The following PTDSS1 variants were observed in gnomAD, a reference collection of about 807,000 sequenced individuals.
The protein encoded by PTDSS1 is phosphatidylserine synthase 1, also known as PSS-1.
PTDSS1 carries 45 observed loss-of-function variants against 70.5 expected under a neutral mutation model. The observed-to-expected ratio is 0.64, with a 90% CI of 0.50 to 0.82. The LOEUF (loss-of-function observed/expected upper bound fraction) is 0.82, where lower values mean the gene tolerates loss of function less well. PTDSS1 is among the 40% of genes least tolerant of loss of function. The probability of loss-of-function intolerance (pLI) is 0.00; values close to 1 mark genes in which losing one functional copy is unlikely to be tolerated. For synonymous variants in PTDSS1, 188 were observed against 203.8 expected (o/e 0.92, Z 0.66); for missense variants, 417 against 586.1 (o/e 0.71, Z 2.98).
intron 1 of PTDSS1, among the ~76,000 whole-genome samples, chr8:96,272,754 A>G (rs1810584315): frequency 6.6e-6 from 1 of 152,244 alleles, no homozygotes; most frequent in South Asian, 2.1e-4. Flanking sequence ...CCTGGCACAC[A>G]GTAGATAGAT....
At chr8:96,275,559 C>T (rs1431151804) in intron 2 of PTDSS1, among the ~76,000 whole-genome samples, 1 of 152,158 alleles carries the variant, frequency 6.6e-6, no homozygotes, top group Non-Finnish European at 1.5e-5. Flanking sequence ...GTAGACCCTC[C>T]TCTCCTTCAA....
At chr8:96,288,544 G>C (rs148386996) in intron 4 of PTDSS1, among the ~76,000 whole-genome samples, 1 of 147,746 alleles carries the variant, frequency 6.8e-6, no homozygotes, top group African/African-American at 2.5e-5. Context: ...CAGGCTGGTC[G>C]CAAACTCCTG....
At chr8:96,320,573 C>T (rs375302305) in intron 10 of PTDSS1, among the ~76,000 whole-genome samples, 15 of 152,252 alleles carry the variant, frequency 9.9e-5, no homozygotes, top group African/African-American at 3.6e-4. Context: ...CAAACGCCTT[C>T]GACAGGTACA....
At chr8:96,336,995 CAAAAAAAAAAA>C (rs35919374), downstream of PTDSS1, 5 of 54,792 alleles carry the variant, frequency 9.1e-5, no homozygotes, top group Admixed American at 2.4e-4. Flanking sequence ...GAGACTATCT[CAAAAAAAAAAA>C]AAAAAAAAAA....
At position 96,334,378 on chromosome 8, in the gene PTDSS1, C is replaced by G. The variant is rs910601003; in HGVS notation, c.*812C>G. ...CTCCCCAGCTAGGTGCCTTTTACAT[C>G]GGGTTTGTTCTCCTTCCATGGTGTG... On this transcript the variant is annotated 3_prime_UTR_variant, in exon 13 of 13. Coordinates refer to ENST00000517309, the MANE Select transcript of PTDSS1 (RefSeq NM_014754.3). The G allele has an allele frequency of 1.3e-5, 2 of 152,770 alleles. No homozygotes were observed. The highest frequency in any genetic ancestry group is 1.3e-4 in the Admixed American group (2 of 15,284). The allele number at this position is 152,770 out of a possible 1,614,324, so 9.5% of individuals were successfully genotyped here. A position where few individuals can be genotyped will look rare whatever the true frequency, so the allele number is the denominator to read the frequency against.
intron 10 of PTDSS1, among the ~76,000 whole-genome samples, chr8:96,321,637 G>T (rs192960524): frequency 2.6e-5 from 4 of 152,172 alleles, no homozygotes; most frequent in Admixed American, 1.3e-4. Flanking sequence ...GTCGGTAATT[G>T]GATCTAGAGG....
intron 8 of PTDSS1, chr8:96,309,286 T>A (rs1431208556): frequency 4.2e-6 from 1 of 238,644 alleles, no homozygotes; most frequent in East Asian, 7.8e-5. Context: ...ATGGTTGCGA[T>A]CAGTTAGTTG....
chr8:96,324,658 C>A (rs1184514747), intron 10 of PTDSS1, among the ~76,000 whole-genome samples: 1 of 152,306 alleles, frequency 6.6e-6, no homozygotes, highest in African/African-American at 2.4e-5. Flanking sequence ...AGCCTGAATC[C>A]ATTCATGAGG....
chr8:96,318,322 T>TAAA (rs11455106), intron 9 of PTDSS1, among the ~76,000 whole-genome samples: 2 of 148,416 alleles, frequency 1.3e-5, no homozygotes, highest in South Asian at 2.1e-4. Context: ...AGACTCTATT[T>TAAA]AAAAAAAAAA....
intron 2 of PTDSS1, among the ~76,000 whole-genome samples, chr8:96,276,678 A>G (rs1443337368): frequency 2.0e-5 from 3 of 152,060 alleles, no homozygotes; most frequent in Non-Finnish European, 4.4e-5. Context: ...AAGGTGCTTT[A>G]TCTCTGGCTT....
intron 4 of PTDSS1, among the ~76,000 whole-genome samples, chr8:96,292,281 C>T (rs941550575): frequency 5.5e-5 from 7 of 127,330 alleles, no homozygotes; most frequent in Non-Finnish European, 7.9e-5. Context: ...GCCTAGGCAA[C>T]GCTGTCTCAA....
rs184324107 is a variant in PTDSS1, at chr8:96,262,897, C to T, written c.179+678C>T. The stretch of plus-strand genomic sequence containing the variant: ...GCCACTCTAAACACACACCTCACAG[C>T]GGACCTTTCCTTTCCAGCACAGCCC... On this transcript the variant is annotated intron_variant, in intron 1 of 12. Transcript: ENST00000517309. This position sits in a 1 kb window ranked among gnomAD's most constrained non-coding sequence, Gnocchi z 4.4. Among the ~76,000 whole-genome samples, 9 of 152,168 alleles carry T rather than the reference C, an allele frequency of 5.9e-5. No homozygotes were observed. The highest frequency in any genetic ancestry group is 2.2e-4 in the African/African-American group (9 of 41,430).
intron 9 of PTDSS1, among the ~76,000 whole-genome samples, chr8:96,314,876 G>A (rs904342997): frequency 2.0e-5 from 3 of 152,154 alleles, no homozygotes; most frequent in Non-Finnish European, 4.4e-5. Context: ...GATTACAGGC[G>A]TGAGCCACCA....
At chr8:96,299,481 A>T (rs924889087) in intron 5 of PTDSS1, among the ~76,000 whole-genome samples, 2 of 152,200 alleles carry the variant, frequency 1.3e-5, no homozygotes, top group African/African-American at 4.8e-5. Context: ...AGCTGTTTGG[A>T]TATGTGCTGT....
At chr8:96,273,814 TA>T (rs1314914145) in intron 2 of PTDSS1, among the ~76,000 whole-genome samples, 1 of 152,234 alleles carries the variant, frequency 6.6e-6, no homozygotes, top group Admixed American at 6.5e-5. Flanking sequence ...TAATGAGTAT[TA>T]CTTAAATAAG....
intron 3 of PTDSS1, among the ~76,000 whole-genome samples, chr8:96,285,775 C>T (rs1810814287): frequency 6.6e-6 from 1 of 152,128 alleles, no homozygotes; most frequent in South Asian, 2.1e-4. Flanking sequence ...CCTCGAAGCC[C>T]AACCAAGAAC....
chr8:96,306,641 C>A, intron 8 of PTDSS1, 85 bp downstream of exon 8: 2 of 1,039,182 alleles, frequency 1.9e-6, no homozygotes, highest in Non-Finnish European at 2.9e-6. Flanking sequence ...GTCATATAAA[C>A]TAGCAGATTT....
rs565997184 is a variant in PTDSS1, at chr8:96,276,969, C to T, written c.271+3579C>T. Among the ~76,000 whole-genome samples, 91 of 116,386 alleles carry T rather than the reference C, an allele frequency of 7.8e-4. 1 individual carries two copies. Among genetic ancestry groups the T allele is most frequent in the East Asian group, 4.0e-3 (14 of 3,532 alleles). The allele number at this position is 116,386 out of a possible 152,430, so 76.4% of individuals were successfully genotyped here. On this transcript the variant is annotated intron_variant, in intron 2 of 12. Transcript: ENST00000517309. ...TTCTCCTCCCGGGCACATACACGCGCGCACGCGCGCGCACACACACACACA... is the reference window on the plus strand; with the variant it reads ...TTCTCCTCCCGGGCACATACACGCGTGCACGCGCGCGCACACACACACACA...
intron 2 of PTDSS1, among the ~76,000 whole-genome samples, chr8:96,274,027 C>T (rs1250954943): frequency 6.6e-6 from 1 of 152,140 alleles, no homozygotes; most frequent in Non-Finnish European, 1.5e-5. Flanking sequence ...CCTCCAAATT[C>T]TTCCTTAAAA....
Sources: gnomAD v4.1 joint callset for allele counts (sites outside exome capture counted in the v4.1 genomes callset) on GRCh38, gnomAD v4.1.1 for gene constraint, Gnocchi (gnomAD v3.1) non-coding constraint, MANE v1.5 for transcripts, NCBI Gene and HGNC (gene_info 2026-07-23, HGNC 2026-07-21) for gene names.